GRID1: variants seen among roughly 807,000 people sequenced by gnomAD.
GRID1 encodes the protein glutamate receptor ionotropic, delta-1.
Under a neutral mutation model 98.0 loss-of-function variants are expected in GRID1, and 28 were observed. That is an observed-to-expected ratio of 0.29 (90% confidence interval 0.21 to 0.39). The LOEUF (loss-of-function observed/expected upper bound fraction) is 0.39, where lower values mean the gene tolerates loss of function less well. Ranked by LOEUF, GRID1 falls within the 10% of genes least tolerant of loss-of-function variation. GRID1 has a pLI of 1.00. For synonymous variants in GRID1, 553 were observed against 538.5 expected, an observed-to-expected ratio of 1.03 and a Z score of -0.37; for missense variants, 1,111 against 1,340.5, an observed-to-expected ratio of 0.83 and a Z score of 2.67.
rs769403835 is a variant in GRID1 at position 85,619,943 on chromosome 10, C to T, written c.2284G>A (p.Gly762Ser). 1.9e-5 allele frequency: 30 copies of T among 1,613,984 alleles called. No individual in the cohort carries two copies. The highest frequency in any genetic ancestry group is 6.6e-5 in the South Asian group (6 of 91,082). ...TAACCCTTGCTGCTGATGCTGTTGC[C>T]GATGACAGTCACCGAGCAGTCGTCA... Reference protein sequence around the residue: ...TDDDCSVTVIGNSISSKGYGI... With the variant: ...TDDDCSVTVISNSISSKGYGI... The change falls in exon 14 of 16, where the codon GGC becomes AGC. Residue 762 changes from glycine (G) to serine (S), a missense_variant. Coordinates refer to ENST00000327946, the MANE Select transcript of GRID1 (RefSeq NM_017551.3).
At chr10:86,140,600 G>A (rs191634423) in intron 3 of GRID1, among the ~76,000 whole-genome samples, 8 of 152,328 alleles carry the variant, frequency 5.3e-5, no homozygotes, top group Admixed American at 1.3e-4. Flanking sequence ...CATGGCCATC[G>A]TAATGAGGGT....
At chr10:85,973,824 T>C (rs537397946) in intron 4 of GRID1, among the ~76,000 whole-genome samples, 13 of 152,324 alleles carry the variant, frequency 8.5e-5, no homozygotes, top group Admixed American at 3.9e-4. Flanking sequence ...CAATGAAATA[T>C]GGTAAAGAGC....
chr10:85,620,916 C>G (rs1458549499), intron 13 of GRID1, among the ~76,000 whole-genome samples: 1 of 152,208 alleles, frequency 6.6e-6, no homozygotes, highest in East Asian at 1.9e-4. Context: ...GTGCAGGTTT[C>G]TGGTGTCACT....
At chr10:85,698,846 T>C (rs1841421873) in intron 12 of GRID1, among the ~76,000 whole-genome samples, 1 of 152,208 alleles carries the variant, frequency 6.6e-6, no homozygotes, top group African/African-American at 2.4e-5. Flanking sequence ...GCCATGTTAA[T>C]AGGTGTGTAG....
chr10:86,308,755 C>T (rs1005110477), intron 2 of GRID1, among the ~76,000 whole-genome samples: 2 of 152,174 alleles, frequency 1.3e-5, no homozygotes, highest in Admixed American at 6.5e-5. Flanking sequence ...TGAGGGCTTT[C>T]TTGCCACATC....
intron 3 of GRID1, among the ~76,000 whole-genome samples, chr10:86,177,832 C>T (rs113576772): frequency 0.031 from 4,736 of 151,530 alleles, 168 homozygotes; most frequent in African/African-American, 0.084. Context: ...CGTGTGTGCA[C>T]GAGACAGACA....
At chr10:86,009,224 G>C (rs1842898592) in intron 4 of GRID1, among the ~76,000 whole-genome samples, 1 of 152,128 alleles carries the variant, frequency 6.6e-6, no homozygotes, top group South Asian at 2.1e-4. Flanking sequence ...TGCAAGAAGC[G>C]TAAGTGTTTG....
Position 85,599,730 on chromosome 10 carries a change from T to C in GRID1, c.*2543A>G, listed in dbSNP as rs1194316093. The C allele has an allele frequency of 7.0e-6, 1 of 143,312 alleles. No homozygotes were observed. Among genetic ancestry groups the C allele is most frequent in the Non-Finnish European group, 1.5e-5 (1 of 66,708 alleles). The allele number at this position is 143,312 out of a possible 1,614,324, so 8.9% of individuals were successfully genotyped here. On this transcript the variant is annotated 3_prime_UTR_variant, in exon 16 of 16. Transcript: ENST00000327946. Reference sequence around the variant, plus strand: ...ATCTGAGTTGGGAAGTTTTTTTTTTTCCTAGAGAACTTGCTTGAATATCAA... The same window carrying C: ...ATCTGAGTTGGGAAGTTTTTTTTTTCCCTAGAGAACTTGCTTGAATATCAA...
intron 4 of GRID1, among the ~76,000 whole-genome samples, chr10:85,986,100 T>C (rs1359885372): frequency 6.6e-6 from 1 of 152,250 alleles, no homozygotes; most frequent in East Asian, 1.9e-4. Flanking sequence ...TCTGTAGCAC[T>C]AAGCACAACG....
intron 4 of GRID1, among the ~76,000 whole-genome samples, chr10:86,101,000 T>C (rs1024129951): frequency 2.0e-5 from 3 of 152,108 alleles, no homozygotes; most frequent in Non-Finnish European, 1.5e-5. Context: ...TGGTGACTGA[T>C]AGGGGGACTT....
chr10:86,283,597 A>G (rs1436885955), intron 2 of GRID1, among the ~76,000 whole-genome samples: 1 of 151,314 alleles, frequency 6.6e-6, no homozygotes, highest in Non-Finnish European at 1.5e-5. Flanking sequence ...ATGCATACAC[A>G]TATGCAAATA....
intron 3 of GRID1, among the ~76,000 whole-genome samples, chr10:86,181,239 C>T (rs1184802932): frequency 6.6e-6 from 1 of 152,212 alleles, no homozygotes; most frequent in East Asian, 1.9e-4. Context: ...GCAACCATCA[C>T]TTTACAAATC....
chr10:86,174,442 T>G (rs1039196080), intron 3 of GRID1, among the ~76,000 whole-genome samples: 1 of 151,692 alleles, frequency 6.6e-6, no homozygotes, highest in Admixed American at 6.6e-5. Context: ...TAGCCATATG[T>G]AGAAAGCTGA....
chr10:85,998,207 G>T (rs1424395610), intron 4 of GRID1, among the ~76,000 whole-genome samples: 1 of 151,834 alleles, frequency 6.6e-6, no homozygotes, highest in African/African-American at 2.4e-5. Context: ...TTTTTATCAA[G>T]AGCCCACGAA....
At chr10:86,126,398 C>T (rs1010758010) in intron 4 of GRID1, among the ~76,000 whole-genome samples, 1 of 152,080 alleles carries the variant, frequency 6.6e-6, no homozygotes, top group Non-Finnish European at 1.5e-5. Flanking sequence ...GAGGTTGCAG[C>T]GAGCTGAGAT....
chr10:85,953,640 A>G (rs1842152687), intron 4 of GRID1, among the ~76,000 whole-genome samples: 1 of 152,120 alleles, frequency 6.6e-6, no homozygotes, highest in East Asian at 1.9e-4. Flanking sequence ...TCCCAACATC[A>G]CACTCAATTG....
In GRID1 at chr10:86,242,299, T is replaced by C. The variant is rs371914743; in HGVS notation, c.236-35651A>G. ...AATGGCATTCCTAGCTTTTGGATCA[T>C]GGAGTGTTTGGAGCAAAAGGCCCCA... On this transcript the variant is annotated intron_variant, in intron 2 of 15. Transcript: ENST00000327946. 3.9e-5 allele frequency among the ~76,000 whole-genome samples: 6 copies of C among 152,238 alleles called. No homozygotes were observed. The East Asian group carries it at 5.8e-4, about 15-fold the overall frequency.
At chr10:86,266,411 C>G (rs111910992) in intron 2 of GRID1, among the ~76,000 whole-genome samples, 5 of 152,332 alleles carry the variant, frequency 3.3e-5, no homozygotes, top group African/African-American at 9.6e-5. Context: ...CACATCTGAC[C>G]CCCAAATACA....
chr10:86,029,505 C>T (rs976583498), intron 4 of GRID1, among the ~76,000 whole-genome samples: 11 of 152,172 alleles, frequency 7.2e-5, no homozygotes, highest in South Asian at 2.1e-4. Context: ...CAAATAATCA[C>T]GCCAAGTATA....
Sources: gnomAD v4.1 joint callset for allele counts (sites outside exome capture counted in the v4.1 genomes callset) on GRCh38, gnomAD v4.1.1 for gene constraint, MANE v1.5 for transcripts, NCBI Gene and HGNC (gene_info 2026-07-23, HGNC 2026-07-21) for gene names.